FANCC: variants seen among roughly 807,000 people sequenced by gnomAD.
FANCC encodes the protein FA complementation group C.
Under a neutral mutation model 71.3 loss-of-function variants are expected in FANCC, and 55 were observed. The observed-to-expected ratio is 0.77, with a 90% CI of 0.62 to 0.97. The LOEUF (loss-of-function observed/expected upper bound fraction) is 0.97. Among genes scored for constraint, FANCC ranks in the 50% least tolerant of loss-of-function variants. The pLI is 0.00. For synonymous variants in FANCC, 275 were observed against 244.9 expected, an observed-to-expected ratio of 1.12 and a Z score of -1.15; for missense variants, 678 against 670.9, an observed-to-expected ratio of 1.01 and a Z score of -0.12.
At chr9:95,215,296 A>G (rs1286623140) in intron 4 of FANCC, among the ~76,000 whole-genome samples, 2 of 152,196 alleles carry the variant, frequency 1.3e-5, no homozygotes, top group Non-Finnish European at 2.9e-5. Flanking sequence ...AGCAGAGAGC[A>G]GTTTATACGG....
chr9:95,112,799 G>T (rs2072055251), intron 12 of FANCC, among the ~76,000 whole-genome samples: 2 of 152,328 alleles, frequency 1.3e-5, no homozygotes, highest in South Asian at 4.1e-4. Context: ...CCACCTGAAA[G>T]GTATCTCATG....
chr9:95,292,988 A>G, intron 1 of FANCC: 1 of 1,576,820 alleles, frequency 6.3e-7, no homozygotes, highest in South Asian at 1.1e-5. Context: ...AGATCCCTGC[A>G]GAACACAGGG....
intron 4 of FANCC, among the ~76,000 whole-genome samples, chr9:95,216,388 T>C (rs919094373): frequency 3.3e-5 from 5 of 152,206 alleles, no homozygotes; most frequent in African/African-American, 1.2e-4. Flanking sequence ...AACTCATAAT[T>C]GGAGGCTTCA....
intron 4 of FANCC, among the ~76,000 whole-genome samples, chr9:95,193,742 G>A (rs1048867129): frequency 5.9e-5 from 9 of 152,188 alleles, no homozygotes; most frequent in South Asian, 2.1e-4. Flanking sequence ...TTGCAAGGGC[G>A]GCAATGGCAA....
Position 95,311,935 on chromosome 9 carries a change from G to T in FANCC, c.-79+5591C>A, listed in dbSNP as rs74617391. On this transcript the variant is annotated intron_variant, in intron 1 of 14. Coordinates refer to ENST00000289081, the MANE Select transcript of FANCC (RefSeq NM_000136.3). ...AGAAATCTGAAAAATGAAAAACAGG[G>T]GTGAAAGATAATGAGAAGTACAGTC... is the stretch of plus-strand genomic sequence containing the variant. Among the ~76,000 whole-genome samples, 509 of 152,210 alleles carry T rather than the reference G, an allele frequency of 3.3e-3. 9 individuals carry two copies. The East Asian group carries it at 0.044, about 13-fold the overall frequency.
At chr9:95,291,538 A>C (rs1467497644) in intron 1 of FANCC, among the ~76,000 whole-genome samples, 1 of 152,220 alleles carries the variant, frequency 6.6e-6, no homozygotes, top group Non-Finnish European at 1.5e-5. Context: ...AAGGATGTGA[A>C]AGATCTCTAC....
chr9:95,196,943 T>A (rs947003719), intron 4 of FANCC, among the ~76,000 whole-genome samples: 2 of 152,178 alleles, frequency 1.3e-5, no homozygotes, highest in African/African-American at 4.8e-5. Flanking sequence ...CCTCTACCTT[T>A]CCCTGGACTC....
intron 1 of FANCC, chr9:95,293,021 A>G (rs1467531590): frequency 1.3e-6 from 2 of 1,588,686 alleles, no homozygotes; most frequent in East Asian, 4.5e-5. Flanking sequence ...AGAAAAGGAA[A>G]ATGGAAAACT....
At chr9:95,189,727 T>C (rs548385461) in intron 4 of FANCC, among the ~76,000 whole-genome samples, 1 of 152,340 alleles carries the variant, frequency 6.6e-6, no homozygotes, top group African/African-American at 2.4e-5. Context: ...TCTGCCAGGC[T>C]TAAATAATCA....
In FANCC at chr9:95,099,165, G is replaced by C. The variant is rs1194234524; in HGVS notation, c.*2542C>G. ...ACGGAGTCCAGGGGAATAACAGCCT[G>C]GTTGGAGGGGCGCTCTCCGCCTCTT... On this transcript the variant is annotated 3_prime_UTR_variant, in exon 15 of 15. Transcript: ENST00000289081. The C allele has an allele frequency of 1.4e-5, 3 of 216,932 alleles. No homozygotes were observed. The highest frequency in any genetic ancestry group is 2.8e-5 in the Non-Finnish European group (3 of 107,966). 13.4% of individuals were successfully genotyped at this position (216,932 alleles called of 1,614,324 possible). A position where few individuals can be genotyped will look rare whatever the true frequency, so the allele number is the denominator to read the frequency against.
At chr9:95,142,779 G>T (rs1307602369) in intron 7 of FANCC, among the ~76,000 whole-genome samples, 2 of 152,294 alleles carry the variant, frequency 1.3e-5, no homozygotes, top group Admixed American at 1.3e-4. Context: ...GCGAGTGTTA[G>T]AGTGGTCAGA....
intron 4 of FANCC, among the ~76,000 whole-genome samples, chr9:95,177,152 A>G (rs1359241557): frequency 2.0e-5 from 3 of 152,238 alleles, no homozygotes; most frequent in Non-Finnish European, 4.4e-5. Context: ...ATGAACCCAG[A>G]TGGCTCAGCC....
At chr9:95,126,454 C>T in intron 9 of FANCC, 75 bp downstream of exon 9, 1 of 1,395,540 alleles carries the variant, frequency 7.2e-7, no homozygotes, top group African/African-American at 1.4e-5. Context: ...GAGACTACCA[C>T]AACATTTTCT....
At chr9:95,203,621 G>A (rs1827938402) in intron 4 of FANCC, among the ~76,000 whole-genome samples, 1 of 151,822 alleles carries the variant, frequency 6.6e-6, no homozygotes, top group African/African-American at 2.4e-5. Context: ...ACTATTTACT[G>A]TACTTGTAAT....
intron 4 of FANCC, among the ~76,000 whole-genome samples, chr9:95,215,877 A>G (rs1828835807): frequency 6.6e-6 from 1 of 152,242 alleles, no homozygotes; most frequent in African/African-American, 2.4e-5. Context: ...GAGGCCAATT[A>G]CATTGTGTAG....
intron 1 of FANCC, among the ~76,000 whole-genome samples, chr9:95,312,408 G>A (rs1835461609): frequency 6.6e-6 from 1 of 152,172 alleles, no homozygotes; most frequent in Admixed American, 6.5e-5. Context: ...CTGTTGCCCA[G>A]GCTGGAATGC....
At chr9:95,228,617 A>G (rs1829784254) in intron 4 of FANCC, among the ~76,000 whole-genome samples, 1 of 152,226 alleles carries the variant, frequency 6.6e-6, no homozygotes, top group African/African-American at 2.4e-5. Context: ...GGGAGACAGA[A>G]AAAAACCCAG....
chr9:95,151,813 G>C (rs1054895957), intron 6 of FANCC, among the ~76,000 whole-genome samples: 10 of 152,014 alleles, frequency 6.6e-5, no homozygotes, highest in African/African-American at 2.2e-4. Flanking sequence ...CTGCGTTGCA[G>C]CTACTCGGGG....
At chr9:95,210,661 T>C (rs1200851595) in intron 4 of FANCC, among the ~76,000 whole-genome samples, 1 of 152,174 alleles carries the variant, frequency 6.6e-6, no homozygotes, top group Non-Finnish European at 1.5e-5. Flanking sequence ...AAGTAGTAAG[T>C]GACACACCAG....
Sources: gnomAD v4.1 joint callset for allele counts (sites outside exome capture counted in the v4.1 genomes callset) on GRCh38, gnomAD v4.1.1 for gene constraint, MANE v1.5 for transcripts, NCBI Gene and HGNC (gene_info 2026-07-23, HGNC 2026-07-21) for gene names.